Variants in LRRC59 observed in about 807,000 individuals in gnomAD.
LRRC59 encodes leucine rich repeat containing 59, also known as leucine-rich repeat-containing protein 59.
In LRRC59, 18 loss-of-function variants were observed where a neutral mutation model predicts 33.5. The ratio of observed to expected loss-of-function variants is 0.54; its 90% CI spans 0.37 to 0.80. The LOEUF is 0.80. Ranked by LOEUF, LRRC59 falls within the 30% of genes least tolerant of loss-of-function variation. The probability of loss-of-function intolerance (pLI) is 0.00; values close to 1 mark genes in which losing one functional copy is unlikely to be tolerated. For synonymous variants in LRRC59, 138 were observed against 160.0 expected, an observed-to-expected ratio of 0.86 and a Z score of 1.04; for missense variants, 330 against 391.9, an observed-to-expected ratio of 0.84 and a Z score of 1.33.
intron 4 of LRRC59, among the ~76,000 whole-genome samples, chr17:50,390,253 GGAGT>G (rs1456226444): frequency 6.6e-6 from 1 of 151,910 alleles, no homozygotes; most frequent in Admixed American, 6.6e-5. Context: ...CTGAGGAAAA[GGAGT>G]GAGGGGAGTG....
At chr17:50,390,959 C>G (rs927284158) in intron 4 of LRRC59, among the ~76,000 whole-genome samples, 3 of 152,210 alleles carry the variant, frequency 2.0e-5, no homozygotes, top group African/African-American at 7.2e-5. Context: ...ATGTCAAAAA[C>G]TGGAATATCA....
At chr17:50,397,184 G>C in intron 1 of LRRC59, 29 bp downstream of exon 1, 1 of 1,506,114 alleles carries the variant, frequency 6.6e-7, no homozygotes, top group Non-Finnish European at 8.9e-7. Flanking sequence ...GCGAAGGTGG[G>C]CGCCTGGGCC....
intron 4 of LRRC59, among the ~76,000 whole-genome samples, chr17:50,390,097 C>CAAAAA (rs57027679): frequency 3.2e-4 from 27 of 85,280 alleles, no homozygotes; most frequent in African/African-American, 1.1e-3. Flanking sequence ...GACTCTGTCT[C>CAAAAA]AAAAAAAAAA....
At chr17:50,384,599 C>T (rs1484798428) in intron 6 of LRRC59, among the ~76,000 whole-genome samples, 2 of 152,154 alleles carry the variant, frequency 1.3e-5, no homozygotes, top group South Asian at 2.1e-4. Context: ...AACCACATCA[C>T]TACTAAAAAT....
chr17:50,396,739 G>C (rs1914282255), intron 1 of LRRC59: 1 of 176,328 alleles, frequency 5.7e-6, no homozygotes, highest in Non-Finnish European at 1.2e-5. Flanking sequence ...TACTTTCTTC[G>C]AGTTAGGCTG....
At chr17:50,389,929 T>C (rs889249914) in intron 4 of LRRC59, among the ~76,000 whole-genome samples, 1 of 151,810 alleles carries the variant, frequency 6.6e-6, no homozygotes, top group Admixed American at 6.6e-5. Flanking sequence ...AACTCCCATC[T>C]CTACTAAAAA....
intron 2 of LRRC59, among the ~76,000 whole-genome samples, chr17:50,393,278 G>A (rs530869106): frequency 2.6e-5 from 4 of 152,288 alleles, no homozygotes; most frequent in Admixed American, 2.6e-4. Context: ...GTATGGAAAA[G>A]GGCTTAGCAC....
At chr17:50,391,194 A>G (rs1914134730) in intron 4 of LRRC59, among the ~76,000 whole-genome samples, 1 of 152,120 alleles carries the variant, frequency 6.6e-6, no homozygotes, top group African/African-American at 2.4e-5. Context: ...CTCCTACAGC[A>G]CCTAGTTTTC....
intron 4 of LRRC59, among the ~76,000 whole-genome samples, chr17:50,391,172 G>T (rs997686465): frequency 1.3e-5 from 2 of 152,196 alleles, no homozygotes; most frequent in Non-Finnish European, 2.9e-5. Context: ...TCAGCTTGCA[G>T]AACAGACATC....
In LRRC59 at chr17:50,388,028, GAAAGA is replaced by G. The variant is rs749667857; in HGVS notation, c.502+27_502+31del. 5.6e-6 allele frequency: 9 copies of G among 1,609,820 alleles called. 1 individual carries two copies. The South Asian group carries it at 9.9e-5, about 18-fold the overall frequency. On this transcript the variant is annotated intron_variant, in intron 5 of 6. Transcript: ENST00000225972. ...AATCCACTGGCTGGGATGAGGACCT[GAAAGA>G]TAACTACAAGAGGGACAGCCACCTA...
chr17:50,392,621 G>A (rs533504591), intron 3 of LRRC59, 118 bp downstream of exon 3: 10 of 1,463,378 alleles, frequency 6.8e-6, no homozygotes, highest in African/African-American at 2.8e-5. Context: ...TATAGGGAGC[G>A]CCATCTGAGG....
chr17:50,387,128 T>TA (rs10678291), intron 5 of LRRC59, among the ~76,000 whole-genome samples: 87,400 of 150,106 alleles, frequency 0.58, 26,347 homozygotes, highest in Non-Finnish European at 0.66. Context: ...AAAAAATAAT[T>TA]AAAAAAAAAA....
At chr17:50,392,683 G>A in intron 3 of LRRC59, 56 bp downstream of exon 3, 1 of 1,597,464 alleles carries the variant, frequency 6.3e-7, no homozygotes, top group Non-Finnish European at 8.6e-7. Flanking sequence ...CCGTGCTCCA[G>A]AGTCCCTGAG....
At chr17:50,384,746 C>T (rs1351954765) in intron 6 of LRRC59, among the ~76,000 whole-genome samples, 1 of 128,238 alleles carries the variant, frequency 7.8e-6, no homozygotes, top group Non-Finnish European at 1.6e-5. Context: ...GCCTGGGCAA[C>T]AAGAGTGAAA....
At chr17:50,397,081 T>G (rs1914292552) in intron 1 of LRRC59, 132 bp downstream of exon 1, 8 of 646,762 alleles carry the variant, frequency 1.2e-5, no homozygotes, top group Non-Finnish European at 1.7e-5. Context: ...CCTAGGGGAC[T>G]TAGTCCCACC....
intron 4 of LRRC59, among the ~76,000 whole-genome samples, chr17:50,388,732 A>C (rs530994781): frequency 1.3e-5 from 2 of 152,328 alleles, no homozygotes; most frequent in Admixed American, 1.3e-4. Context: ...TCACTGTCAC[A>C]TGCATGATTC....
rs951543141 is a variant in LRRC59 at position 50,397,023 on chromosome 17, A to G, written c.105+190T>C. 21 of 445,300 alleles carry G rather than the reference A, an allele frequency of 4.7e-5. No homozygotes were observed. The East Asian group carries it at 7.1e-4, about 15-fold the overall frequency. 27.6% of individuals were successfully genotyped at this position (445,300 alleles called of 1,614,324 possible). ...TTCCCTATGTTCTGGAACTGCGCCA[A>G]AGTGACACGTGTACATCCCGGGAAG... On this transcript the variant is annotated intron_variant, in intron 1 of 6. Transcript: ENST00000225972.
rs2143349261 is a variant in LRRC59, at chr17:50,382,830, TGAA to T, written c.*155_*157del. 1 of 766,544 alleles carries T rather than the reference TGAA, an allele frequency of 1.3e-6. No individual in the cohort carries two copies. The highest frequency in any genetic ancestry group is 3.7e-5 in the Admixed American group (1 of 26,914). The allele number at this position is 766,544 out of a possible 1,614,324, so 47.5% of individuals were successfully genotyped here. ...CCTTCAGGGAACCCTGACTAAGGAATGAAGAAGTCCTACAAAGAGGAGGTCTCA... is the reference window on the plus strand; with the variant it reads ...CCTTCAGGGAACCCTGACTAAGGAATGAAGTCCTACAAAGAGGAGGTCTCA... On this transcript the variant is annotated 3_prime_UTR_variant, in exon 7 of 7. Coordinates refer to ENST00000225972, the MANE Select transcript of LRRC59 (RefSeq NM_018509.4).
At chr17:50,390,428 G>A (rs1246205886) in intron 4 of LRRC59, among the ~76,000 whole-genome samples, 1 of 151,818 alleles carries the variant, frequency 6.6e-6, no homozygotes, top group Admixed American at 6.6e-5. Flanking sequence ...GGAGGCGCAG[G>A]TTGCAGTGAA....
Sources: allele counts gnomAD v4.1 joint callset (sites outside exome capture counted in the v4.1 genomes callset), GRCh38; gene constraint gnomAD v4.1.1; transcripts MANE v1.5; gene names NCBI Gene and HGNC (gene_info 2026-07-23, HGNC 2026-07-21).